The following HAPLN1 variants were observed in gnomAD, a reference collection of about 807,000 sequenced individuals.
HAPLN1 encodes Cartilage link protein.
A neutral mutation model predicts 36.5 loss-of-function variants in HAPLN1; 13 were observed. That is an observed-to-expected ratio of 0.36 (90% CI 0.23 to 0.57). The LOEUF (loss-of-function observed/expected upper bound fraction) is 0.57, where lower values mean the gene tolerates loss of function less well. Ranked by LOEUF, HAPLN1 falls within the 20% of genes least tolerant of loss-of-function variation. The probability of loss-of-function intolerance (pLI) is 0.83; values close to 1 mark genes in which losing one functional copy is unlikely to be tolerated. For synonymous variants in HAPLN1, 202 were observed against 169.8 expected (o/e 1.19, Z -1.48); for missense variants, 407 against 439.7 (o/e 0.93, Z 0.66).
At chr5:83,646,809 C>T (rs967850954) in intron 3 of HAPLN1, among the ~76,000 whole-genome samples, 1 of 152,176 alleles carries the variant, frequency 6.6e-6, no homozygotes, top group African/African-American at 2.4e-5. Flanking sequence ...TGCCCTGGTC[C>T]CTCATATCTT....
At chr5:83,708,505 A>G (rs1378315062) in intron 1 of HAPLN1, among the ~76,000 whole-genome samples, 1 of 152,174 alleles carries the variant, frequency 6.6e-6, no homozygotes, top group African/African-American at 2.4e-5. Flanking sequence ...AGTAGGAGCT[A>G]AATGATGAGA....
intron 1 of HAPLN1, among the ~76,000 whole-genome samples, chr5:83,717,721 T>C (rs1751946873): frequency 1.3e-5 from 2 of 152,254 alleles, no homozygotes; most frequent in Non-Finnish European, 2.9e-5. Flanking sequence ...TAATTGTTTT[T>C]GTCTAGAATT....
At chr5:83,645,284 A>C (rs575912944) in intron 3 of HAPLN1, among the ~76,000 whole-genome samples, 1 of 152,242 alleles carries the variant, frequency 6.6e-6, no homozygotes, top group Non-Finnish European at 1.5e-5. Flanking sequence ...TGTTCTTCTA[A>C]TAACTTGCAG....
chr5:83,717,764 G>C lies in HAPLN1; in HGVS notation c.-27+3025C>G, dbSNP rs1017259681. ...TATTAGATCAACTTCATGGAAGCCA[G>C]GTTCCTGCTTCAAAACTCCAAGTGA... On this transcript the variant is annotated intron_variant, in intron 1 of 4. Coordinates refer to ENST00000274341, the MANE Select transcript of HAPLN1 (RefSeq NM_001884.4). Among the ~76,000 whole-genome samples, 3 of 152,144 alleles carry C rather than the reference G, an allele frequency of 2.0e-5. No individual in the cohort carries two copies. The South Asian group carries it at 6.2e-4, about 32-fold the overall frequency.
chr5:83,646,182 A>G (rs1420964357), intron 3 of HAPLN1, among the ~76,000 whole-genome samples: 1 of 152,262 alleles, frequency 6.6e-6, no homozygotes, highest in Non-Finnish European at 1.5e-5. Context: ...GGACTTTGAA[A>G]AGGACTAATG....
In HAPLN1 at chr5:83,652,756, C is replaced by T. The variant is rs1176315629; in HGVS notation, c.169G>A (p.Val57Ile). The T allele has an allele frequency of 3.1e-6, 5 of 1,613,964 alleles. No homozygotes were observed. The highest frequency in any genetic ancestry group is 4.2e-6 in the Non-Finnish European group (5 of 1,179,898). ...AKVFSHRGGN[V>I]TLPCKFYRDP... ...CGATAAAATTTACATGGCAGTGTAA[C>T]ATTGCCACCTCTGTGTGAAAACACC... is the stretch of plus-strand genomic sequence containing the variant. The change falls in exon 3 of 5, where the codon GTT (valine) becomes ATT (isoleucine). Residue 57 changes from valine (V) to isoleucine (I), a missense_variant. Physicochemically the swap from Val to Ile is conservative, Grantham distance 29. Transcript: ENST00000274341.
At chr5:83,648,366 G>C (rs1749937020) in intron 3 of HAPLN1, among the ~76,000 whole-genome samples, 1 of 126,774 alleles carries the variant, frequency 7.9e-6, no homozygotes, top group Admixed American at 8.7e-5. Context: ...TAGGATATAG[G>C]TATGGATGTG....
At chr5:83,664,114 C>T (rs893712763) in intron 2 of HAPLN1, among the ~76,000 whole-genome samples, 4 of 152,174 alleles carry the variant, frequency 2.6e-5, no homozygotes, top group Non-Finnish European at 5.9e-5. Flanking sequence ...AAAGCACAAC[C>T]TCCCCTCTGA....
At chr5:83,715,008 A>G (rs902645822) in intron 1 of HAPLN1, among the ~76,000 whole-genome samples, 5 of 152,226 alleles carry the variant, frequency 3.3e-5, no homozygotes, top group African/African-American at 1.2e-4. Flanking sequence ...GAAAGGAGCC[A>G]GTAGTTAACA....
chr5:83,698,150 A>G (rs1408048694), intron 1 of HAPLN1, among the ~76,000 whole-genome samples: 1 of 152,050 alleles, frequency 6.6e-6, no homozygotes, highest in African/African-American at 2.4e-5. Flanking sequence ...TTTAGTTCTT[A>G]TATTTAGTCT....
intron 1 of HAPLN1, among the ~76,000 whole-genome samples, chr5:83,687,218 G>A (rs972480270): frequency 6.6e-6 from 1 of 152,110 alleles, no homozygotes; most frequent in Admixed American, 6.5e-5. Flanking sequence ...GCAAAAAATG[G>A]CAAATTTTCT....
At chr5:83,657,178 C>A (rs1418714892) in intron 2 of HAPLN1, among the ~76,000 whole-genome samples, 1 of 151,838 alleles carries the variant, frequency 6.6e-6, no homozygotes, top group Non-Finnish European at 1.5e-5. Flanking sequence ...TCACTGCAAC[C>A]ACTGCCTCCC....
At chr5:83,689,732 T>G (rs1169461472) in intron 1 of HAPLN1, among the ~76,000 whole-genome samples, 1 of 152,158 alleles carries the variant, frequency 6.6e-6, no homozygotes, top group Non-Finnish European at 1.5e-5. Flanking sequence ...TTAAAATTTA[T>G]TATACAGTGA....
chr5:83,660,780 T>G (rs1284871650), intron 2 of HAPLN1, among the ~76,000 whole-genome samples: 1 of 152,180 alleles, frequency 6.6e-6, no homozygotes, highest in African/African-American at 2.4e-5. Flanking sequence ...TCTCTTACAT[T>G]GTGTCACTTA....
chr5:83,675,047 C>G (rs1367045247), intron 1 of HAPLN1, among the ~76,000 whole-genome samples: 1 of 152,132 alleles, frequency 6.6e-6, no homozygotes, highest in Non-Finnish European at 1.5e-5. Context: ...ATTTACTAGT[C>G]TTATTTTCAG....
intron 1 of HAPLN1, among the ~76,000 whole-genome samples, chr5:83,698,725 A>G (rs974503577): frequency 1.3e-5 from 2 of 152,208 alleles, no homozygotes; most frequent in Non-Finnish European, 1.5e-5. Flanking sequence ...TTTATAATGG[A>G]TAATGAAACT....
At chr5:83,696,880 A>G (rs1436363161) in intron 1 of HAPLN1, among the ~76,000 whole-genome samples, 1 of 152,160 alleles carries the variant, frequency 6.6e-6, no homozygotes, top group Non-Finnish European at 1.5e-5. Context: ...GAGTTTTGAA[A>G]CATTAAAAAA....
At chr5:83,709,512 A>G (rs1751728323) in intron 1 of HAPLN1, among the ~76,000 whole-genome samples, 1 of 151,024 alleles carries the variant, frequency 6.6e-6, no homozygotes, top group Admixed American at 6.7e-5. Context: ...TTCCATTTTT[A>G]TTTTAGATTC....
intron 1 of HAPLN1, among the ~76,000 whole-genome samples, chr5:83,691,736 G>A (rs561263742): frequency 6.6e-6 from 1 of 151,474 alleles, no homozygotes; most frequent in Admixed American, 6.6e-5. Flanking sequence ...AAAGAAGCAG[G>A]GCATACCAAT....
Sources: allele counts gnomAD v4.1 joint callset (sites outside exome capture counted in the v4.1 genomes callset), GRCh38; gene constraint gnomAD v4.1.1; transcripts MANE v1.5; gene names NCBI Gene and HGNC (gene_info 2026-07-23, HGNC 2026-07-21).